The following RPH3AL variants were observed in gnomAD, a reference collection of about 807,000 sequenced individuals.
RPH3AL encodes the protein rab effector Noc2.
Under a neutral mutation model 43.1 loss-of-function variants are expected in RPH3AL, and 38 were observed. The ratio of observed to expected loss-of-function variants is 0.88; its 90% CI spans 0.68 to 1.15. The LOEUF is 1.15. Among genes scored for constraint, RPH3AL ranks in the 50% most tolerant of loss-of-function variants. The pLI, the probability that RPH3AL is intolerant of heterozygous loss-of-function variation, is 0.00. For missense variants in RPH3AL, 462 were observed against 423.2 expected (o/e 1.09, Z -0.81); for synonymous variants, 189 against 176.3 (o/e 1.07, Z -0.57).
chr17:310,309 G>A (rs918880092), intron 5 of RPH3AL, among the ~76,000 whole-genome samples: 10 of 152,304 alleles, frequency 6.6e-5, no homozygotes, highest in Non-Finnish European at 1.2e-4. Flanking sequence ...ACGCAGCTCC[G>A]AGGACCGGCA....
In RPH3AL at chr17:289,665, C is replaced by G. The variant is rs2043001159; in HGVS notation, c.352-7811G>C. Among the ~76,000 whole-genome samples, 2 of 152,228 alleles carry G rather than the reference C, an allele frequency of 1.3e-5. No homozygotes were observed. The highest frequency in any genetic ancestry group is 1.3e-4 in the Admixed American group (2 of 15,288). Reference sequence around the variant, plus strand: ...ACTTCATACGGCATTCGGGCCGGCCCTGCCTCCTGCTCTACTTCCTCAGCC... The same window carrying G: ...ACTTCATACGGCATTCGGGCCGGCCGTGCCTCCTGCTCTACTTCCTCAGCC... On this transcript the variant is annotated intron_variant, in intron 5 of 9. Transcript: ENST00000331302. The surrounding 1 kb of genome is among the most constrained non-coding windows in gnomAD (Gnocchi z 5.2).
At chr17:325,898 C>A (rs2151706782) in intron 3 of RPH3AL, among the ~76,000 whole-genome samples, 1 of 152,320 alleles carries the variant, frequency 6.6e-6, no homozygotes, top group African/African-American at 2.4e-5. Context: ...CCTCTCCTTT[C>A]CAGAGACTGT....
intron 6 of RPH3AL, among the ~76,000 whole-genome samples, chr17:278,155 G>A (rs2042698778): frequency 6.6e-6 from 1 of 152,066 alleles, no homozygotes; most frequent in Non-Finnish European, 1.5e-5. Flanking sequence ...ATTGAATCAT[G>A]GGGGCGGTTC....
intron 5 of RPH3AL, among the ~76,000 whole-genome samples, chr17:310,488 G>A (rs1437352430): frequency 6.6e-6 from 1 of 152,112 alleles, no homozygotes; most frequent in Non-Finnish European, 1.5e-5. Context: ...CCCTTCTCCA[G>A]CCTGCCCAAG....
At chr17:332,270 A>C in intron 2 of RPH3AL, 1 of 269,058 alleles carries the variant, frequency 3.7e-6, no homozygotes. Context: ...GAGGCTGGGG[A>C]AGGAGGAGCG....
intron 1 of RPH3AL, among the ~76,000 whole-genome samples, chr17:342,104 A>G (rs1310815812): frequency 1.3e-5 from 2 of 152,200 alleles, no homozygotes; most frequent in Non-Finnish European, 2.9e-5. Flanking sequence ...AAATCACATG[A>G]AAAAAGACTC....
chr17:224,268 AGGACCACACTGG>A (rs767817368), intron 7 of RPH3AL, among the ~76,000 whole-genome samples: 4,420 of 152,162 alleles, frequency 0.029, 108 homozygotes, highest in Non-Finnish European at 0.045. Context: ...CCATGCCCCC[AGGACCACACTGG>A]GCTCCTGCCC....
Position 322,340 on chromosome 17 carries a change from CTG to C in RPH3AL, c.78-927_78-926del, listed in dbSNP as rs2044505452. On this transcript the variant is annotated intron_variant, in intron 3 of 9. Transcript: ENST00000331302. This position sits in a 1 kb window ranked among gnomAD's most constrained non-coding sequence, Gnocchi z 4.0. ...CCAGCTTCCCTGAGACATTCCGTGC[CTG>C]TGACATTGCTGTGTGCAGAGATGAA... The C allele has an allele frequency of 6.6e-6, 1 of 152,284 alleles. No individual in the cohort carries two copies. 9.4% of individuals were successfully genotyped at this position (152,284 alleles called of 1,614,324 possible).
intron 8 of RPH3AL, among the ~76,000 whole-genome samples, chr17:216,884 G>A (rs8066107): frequency 0.71 from 108,562 of 151,984 alleles, 38,957 homozygotes; most frequent in South Asian, 0.81. Context: ...GTGGTGGTAC[G>A]TGTGTCAGGT....
intron 5 of RPH3AL, among the ~76,000 whole-genome samples, chr17:293,565 G>A (rs567721519): frequency 6.6e-6 from 1 of 152,278 alleles, no homozygotes; most frequent in African/African-American, 2.4e-5. Flanking sequence ...TCCCAGAGAG[G>A]TTTCTGCATC....
chr17:331,849 C>T lies in RPH3AL; in HGVS notation c.-37+1910G>A, dbSNP rs146901044. ...CAGTGCCCTGTGCATTAAACACAGACTGCGCCCTTGTACTCAGGTATGACC... is the reference window on the plus strand; with the variant it reads ...CAGTGCCCTGTGCATTAAACACAGATTGCGCCCTTGTACTCAGGTATGACC... On this transcript the variant is annotated intron_variant, in intron 2 of 9. Transcript: ENST00000331302. 9.1e-3 allele frequency: 11,705 copies of T among 1,289,164 alleles called. 60 individuals carry two copies. The highest frequency in any genetic ancestry group is 0.016 in the African/African-American group (1,052 of 65,976). 79.9% of individuals were successfully genotyped at this position (1,289,164 alleles called of 1,614,324 possible).
At chr17:332,856 C>A in intron 2 of RPH3AL, 1 of 478,200 alleles carries the variant, frequency 2.1e-6, no homozygotes, top group Non-Finnish European at 3.4e-6. Flanking sequence ...AGGCAGCACT[C>A]GGGCTGGCCG....
At chr17:317,088 A>C (rs2044271967) in intron 5 of RPH3AL, among the ~76,000 whole-genome samples, 1 of 132,652 alleles carries the variant, frequency 7.5e-6, no homozygotes, top group South Asian at 2.5e-4. Context: ...TCTGTGCTCC[A>C]CCTCCAGTGA....
chr17:350,195 A>C (rs879477764), intron 1 of RPH3AL, among the ~76,000 whole-genome samples: 2 of 152,206 alleles, frequency 1.3e-5, no homozygotes, highest in Admixed American at 1.3e-4. Context: ...GTAACAGAGT[A>C]AAAGTTCCAG....
intron 1 of RPH3AL, chr17:349,422 C>T (rs2045311555): frequency 6.6e-6 from 1 of 152,236 alleles, no homozygotes; most frequent in South Asian, 2.1e-4. Context: ...TCACCCACAT[C>T]TCCCAACATC....
In RPH3AL at chr17:219,192, C is replaced by CTTTTTTTTTTT. The variant is rs796389217; in HGVS notation, c.727+420_727+430dup. Among the ~76,000 whole-genome samples the CTTTTTTTTTTT allele has an allele frequency of 1.6e-4, 9 of 58,004 alleles. 1 individual carries two copies. Among genetic ancestry groups the CTTTTTTTTTTT allele is most frequent in the East Asian group, 6.4e-4 (1 of 1,564 alleles). The allele number at this position is 58,004 out of a possible 152,430, so 38.1% of individuals were successfully genotyped here. ...CCTGGGGCTTTGGAAATAAACAGCACTTTTTTTTTTTTTTTTTTTTTTTTT... is the reference window on the plus strand; with the variant it reads ...CCTGGGGCTTTGGAAATAAACAGCACTTTTTTTTTTTTTTTTTTTTTTTTTTTTTTTTTTTT... On this transcript the variant is annotated intron_variant, in intron 8 of 9. Transcript: ENST00000331302.
At chr17:304,955 G>C (rs1333449242) in intron 5 of RPH3AL, among the ~76,000 whole-genome samples, 12 of 55,024 alleles carry the variant, frequency 2.2e-4, no homozygotes, top group East Asian at 4.2e-4. Context: ...GCGAGAGGGG[G>C]ACAGGGCGAG....
At position 235,991 on chromosome 17, in the gene RPH3AL, A is replaced by T. The variant is rs1424989248; in HGVS notation, c.613+11120T>A. Among the ~76,000 whole-genome samples the T allele has an allele frequency of 2.0e-5, 3 of 151,148 alleles. 1 individual carries two copies. Among genetic ancestry groups the T allele is most frequent in the Admixed American group, 2.0e-4 (3 of 15,208 alleles). On this transcript the variant is annotated intron_variant, in intron 7 of 9. Coordinates refer to ENST00000331302, the MANE Select transcript of RPH3AL (RefSeq NM_006987.4). Reference sequence around the variant, plus strand: ...GGTCGGCCAAGGCTCTACACTAACAAGACGGGTCCATGGGTCAAAGCTGGG... The same window carrying T: ...GGTCGGCCAAGGCTCTACACTAACATGACGGGTCCATGGGTCAAAGCTGGG...
rs539572447 is a variant in RPH3AL at position 294,027 on chromosome 17, C to CA, written c.352-12174dup. On this transcript the variant is annotated intron_variant, in intron 5 of 9. Coordinates refer to ENST00000331302, the MANE Select transcript of RPH3AL (RefSeq NM_006987.4). Reference sequence around the variant, plus strand: ...TGGGTGACAGAGCAAGACTCGGTCTCAAAAAAATAAAATAAAAATAAAACC... The same window carrying CA: ...TGGGTGACAGAGCAAGACTCGGTCTCAAAAAAAATAAAATAAAAATAAAACC... Among the ~76,000 whole-genome samples the CA allele has an allele frequency of 2.2e-3, 332 of 151,444 alleles. 2 individuals carry two copies. Among genetic ancestry groups the CA allele is most frequent in the Non-Finnish European group, 3.9e-3 (268 of 67,924 alleles).
Sources: allele counts gnomAD v4.1 joint callset (sites outside exome capture counted in the v4.1 genomes callset), GRCh38; gene constraint gnomAD v4.1.1; non-coding constraint Gnocchi (gnomAD v3.1); transcripts MANE v1.5; gene names NCBI Gene and HGNC (gene_info 2026-07-23, HGNC 2026-07-21).